The following PIGU variants were observed in gnomAD, a reference collection of about 807,000 sequenced individuals.
PIGU encodes the protein phosphatidylinositol glycan anchor biosynthesis class U.
PIGU carries 24 observed loss-of-function variants against 49.9 expected under a neutral mutation model. That is an observed-to-expected ratio of 0.48 (90% CI 0.35 to 0.68). PIGU has a LOEUF of 0.68. Among genes scored for constraint, PIGU ranks in the 30% least tolerant of loss-of-function variants. PIGU has a pLI of 0.01. For synonymous variants in PIGU, 220 were observed against 205.7 expected, an observed-to-expected ratio of 1.07 and a Z score of -0.59; for missense variants, 490 against 532.6, an observed-to-expected ratio of 0.92 and a Z score of 0.79.
intron 5 of PIGU, among the ~76,000 whole-genome samples, chr20:34,635,414 C>T (rs1298150646): frequency 1.3e-5 from 2 of 152,214 alleles, no homozygotes; most frequent in Admixed American, 6.5e-5. Context: ...TCTGGACCCT[C>T]ACTAGGAAGG....
At chr20:34,632,110 G>A (rs1985801246) in intron 6 of PIGU, among the ~76,000 whole-genome samples, 1 of 151,640 alleles carries the variant, frequency 6.6e-6, no homozygotes. Flanking sequence ...CAAAGTGCTA[G>A]GATTACAGGC....
At chr20:34,649,388 CTTTT>C (rs55819405) in intron 2 of PIGU, among the ~76,000 whole-genome samples, 7,248 of 140,918 alleles carry the variant, frequency 0.051, 279 homozygotes, top group Non-Finnish European at 0.088. Flanking sequence ...AGATCTCTTA[CTTTT>C]TTTTTTTTTT....
intron 6 of PIGU, among the ~76,000 whole-genome samples, chr20:34,619,921 C>A (rs1985142736): frequency 6.6e-6 from 1 of 152,188 alleles, no homozygotes; most frequent in Non-Finnish European, 1.5e-5. Flanking sequence ...CACCCTTCAG[C>A]TCCCATGTTC....
intron 1 of PIGU, among the ~76,000 whole-genome samples, chr20:34,659,444 G>A (rs1474836296): frequency 2.2e-5 from 2 of 91,268 alleles, no homozygotes; most frequent in Non-Finnish European, 2.3e-5. Context: ...GTCAGCCCCC[G>A]GCCCGGCCAG....
intron 11 of PIGU, among the ~76,000 whole-genome samples, chr20:34,567,788 G>A (rs1472829385): frequency 2.7e-5 from 4 of 148,844 alleles, no homozygotes; most frequent in African/African-American, 9.9e-5. Context: ...TTCCTCCTTT[G>A]CTCCCTCCTT....
chr20:34,569,535 A>G (rs1018586721), intron 11 of PIGU, among the ~76,000 whole-genome samples: 8 of 152,194 alleles, frequency 5.3e-5, no homozygotes, highest in African/African-American at 1.9e-4. Flanking sequence ...CCGGCCTACT[A>G]AAATAAAATT....
At chr20:34,607,215 A>G (rs1023099643) in intron 7 of PIGU, among the ~76,000 whole-genome samples, 5 of 152,254 alleles carry the variant, frequency 3.3e-5, no homozygotes, top group Admixed American at 3.3e-4. Flanking sequence ...AGAGGCAGGT[A>G]GAAAAGGGCC....
In PIGU at chr20:34,620,750, G is replaced by T. The variant is rs187740177; in HGVS notation, c.530-4611C>A. 5.6e-3 allele frequency among the ~76,000 whole-genome samples: 825 copies of T among 148,230 alleles called. 4 individuals are homozygous for T. Among genetic ancestry groups the T allele is most frequent in the Admixed American group, 0.011 (159 of 14,692 alleles). ...GGCGTGAACCCGGGAGGCAGAGCTT[G>T]CAGTGAGCCGAGATCGCGCCACTGC... On this transcript the variant is annotated intron_variant, in intron 6 of 11. Transcript: ENST00000217446.
At chr20:34,574,897 T>C (rs1983158813) in intron 11 of PIGU, among the ~76,000 whole-genome samples, 1 of 152,168 alleles carries the variant, frequency 6.6e-6, no homozygotes, top group Admixed American at 6.5e-5. Flanking sequence ...TATGGTTCAG[T>C]GTGGTGCCCA....
intron 6 of PIGU, among the ~76,000 whole-genome samples, chr20:34,621,790 C>A (rs1180218553): frequency 2.0e-5 from 3 of 152,152 alleles, no homozygotes; most frequent in Admixed American, 2.0e-4. Flanking sequence ...TTGCTCTATA[C>A]GAAGAGTGTG....
chr20:34,588,603 T>C lies in PIGU; in HGVS notation c.632A>G (p.Gln211Arg). 1 of 1,612,030 alleles carries C rather than the reference T, an allele frequency of 6.2e-7. No individual in the cohort carries two copies. Among genetic ancestry groups the C allele is most frequent in the Non-Finnish European group, 8.5e-7 (1 of 1,179,058 alleles). Residue 211 changes from glutamine (Q) to arginine (R), a missense_variant, in exon 8 of 12, where the codon CAG (glutamine) becomes CGG (arginine). Gln to Arg is a conservative substitution (Grantham distance 43). Transcript: ENST00000217446. Reference protein sequence around the residue: ...VPGLLYLLQRQYIPVKMKSKA... With the variant: ...VPGLLYLLQRRYIPVKMKSKA... ...GCTCTTCATTTTCACAGGTATGTACTGCCGCTGGAGAGAAGGCAAAGTGAT... is the reference window on the plus strand; with the variant it reads ...GCTCTTCATTTTCACAGGTATGTACCGCCGCTGGAGAGAAGGCAAAGTGAT...
chr20:34,629,445 T>A lies in PIGU; in HGVS notation c.529+5170A>T, dbSNP rs538554154. On this transcript the variant is annotated intron_variant, in intron 6 of 11. Coordinates refer to ENST00000217446, the MANE Select transcript of PIGU (RefSeq NM_080476.5). ...GCCATTGCTATGAAAAGAAAATACCTAAGTCTGTCCCCTGGCCCAAGAGGA... is the reference window on the plus strand; with the variant it reads ...GCCATTGCTATGAAAAGAAAATACCAAAGTCTGTCCCCTGGCCCAAGAGGA... 2.6e-4 allele frequency among the ~76,000 whole-genome samples: 40 copies of A among 152,316 alleles called. 1 individual carries two copies. The highest frequency in any genetic ancestry group is 4.6e-4 in the Admixed American group (7 of 15,300).
At chr20:34,583,632 G>A (rs1223129715) in intron 9 of PIGU, among the ~76,000 whole-genome samples, 1 of 152,226 alleles carries the variant, frequency 6.6e-6, no homozygotes, top group Admixed American at 6.5e-5. Flanking sequence ...CACGGCCAGT[G>A]CGGAAAGGTG....
At chr20:34,640,497 G>A (rs6088558) in intron 4 of PIGU, among the ~76,000 whole-genome samples, 17,430 of 50,704 alleles carry the variant, frequency 0.34, 1,411 homozygotes, top group Admixed American at 0.44. Flanking sequence ...ATGTGCGCAC[G>A]CGCACACACA....
chr20:34,664,955 G>A (rs1427297077), intron 1 of PIGU, among the ~76,000 whole-genome samples: 1 of 152,002 alleles, frequency 6.6e-6, no homozygotes, highest in African/African-American at 2.4e-5. Context: ...ACTCCAGCCT[G>A]GGCGACAGAG....
chr20:34,633,789 A>C (rs1035786187), intron 6 of PIGU, among the ~76,000 whole-genome samples: 6 of 152,118 alleles, frequency 3.9e-5, no homozygotes, highest in African/African-American at 1.4e-4. Flanking sequence ...AAGACTGGTC[A>C]AACTCCTGAT....
rs538761100 is a variant in PIGU, at chr20:34,673,178, C to T, written c.130+3778G>A. Among the ~76,000 whole-genome samples the T allele has an allele frequency of 3.6e-3, 526 of 145,144 alleles. 1 individual carries two copies. Among genetic ancestry groups the T allele is most frequent in the Non-Finnish European group, 5.6e-3 (379 of 67,116 alleles). On this transcript the variant is annotated intron_variant, in intron 1 of 11. Transcript: ENST00000217446. ...CTGAGGCAGGAGAATGGCGTAAACCCGGGAGGCGGAGCTTGCAGTGAGCTG... is the reference window on the plus strand; with the variant it reads ...CTGAGGCAGGAGAATGGCGTAAACCTGGGAGGCGGAGCTTGCAGTGAGCTG...
At chr20:34,575,932 C>A (rs1019548156) in intron 10 of PIGU, among the ~76,000 whole-genome samples, 2 of 152,222 alleles carry the variant, frequency 1.3e-5, no homozygotes, top group African/African-American at 4.8e-5. Context: ...GGCAGACAGG[C>A]TGGCTGGCTT....
chr20:34,560,729 G>T lies in PIGU; in HGVS notation c.*137C>A. 1 of 591,440 alleles carries T rather than the reference G, an allele frequency of 1.7e-6. No homozygotes were observed. The highest frequency in any genetic ancestry group is 2.8e-6 in the Non-Finnish European group (1 of 356,818). The allele number at this position is 591,440 out of a possible 1,614,324, so 36.6% of individuals were successfully genotyped here. A position where few individuals can be genotyped will look rare whatever the true frequency, so the allele number is the denominator to read the frequency against. On this transcript the variant is annotated 3_prime_UTR_variant, in exon 12 of 12. Coordinates refer to ENST00000217446, the MANE Select transcript of PIGU (RefSeq NM_080476.5). Reference sequence around the variant, plus strand: ...GTCAGTCAGCCATGGGTCCCTTTTGGTACCAGAGACTTGTGACCCTGGACT... The same window carrying T: ...GTCAGTCAGCCATGGGTCCCTTTTGTTACCAGAGACTTGTGACCCTGGACT...
Sources: allele counts gnomAD v4.1 joint callset (sites outside exome capture counted in the v4.1 genomes callset), GRCh38; gene constraint gnomAD v4.1.1; transcripts MANE v1.5; gene names NCBI Gene and HGNC (gene_info 2026-07-23, HGNC 2026-07-21).